The following FBXO24 variants were observed in gnomAD, a reference collection of about 807,000 sequenced individuals.
FBXO24 encodes the protein F-box only protein 24.
A neutral mutation model predicts 63.5 loss-of-function variants in FBXO24; 30 were observed. That is an observed-to-expected ratio of 0.47 (90% CI 0.35 to 0.64). The LOEUF (loss-of-function observed/expected upper bound fraction) is 0.64, where lower values mean the gene tolerates loss of function less well. FBXO24 is among the 30% of genes least tolerant of loss of function. The pLI is 0.00. For missense variants in FBXO24, 624 were observed against 763.4 expected (o/e 0.82, Z 2.15); for synonymous variants, 300 against 305.0 (o/e 0.98, Z 0.17).
Position 100,601,036 on chromosome 7 carries a change from T to C in FBXO24, c.*137T>C. ...GGACGGCTAACCAGGGTAAGAATGTTCAGGGGGCTGCCCAGGAGGGGCCCC... is the reference window on the plus strand; with the variant it reads ...GGACGGCTAACCAGGGTAAGAATGTCCAGGGGGCTGCCCAGGAGGGGCCCC... On this transcript the variant is annotated 3_prime_UTR_variant, in exon 10 of 10. Coordinates refer to ENST00000241071, the MANE Select transcript of FBXO24 (RefSeq NM_033506.3). 7.6e-7 allele frequency: 1 copy of C among 1,312,750 alleles called. No individual in the cohort carries two copies. Among genetic ancestry groups the C allele is most frequent in the Non-Finnish European group, 1.0e-6 (1 of 979,132 alleles). 81.3% of individuals were successfully genotyped at this position (1,312,750 alleles called of 1,614,324 possible). A position where few individuals can be genotyped will look rare whatever the true frequency, so the allele number is the denominator to read the frequency against.
Position 100,592,893 on chromosome 7 carries a change from T to G in FBXO24, c.669T>G (p.Cys223Trp). The G allele has an allele frequency of 1.2e-6, 2 of 1,614,174 alleles. No individual in the cohort carries two copies. The highest frequency in any genetic ancestry group is 1.7e-6 in the Non-Finnish European group (2 of 1,180,030). Residue 223 changes from cysteine (C) to tryptophan (W), a missense_variant, in exon 5 of 10, where the codon TGT becomes TGG. Physicochemically the swap from Cys to Trp is radical, Grantham distance 215. Coordinates refer to ENST00000241071, the MANE Select transcript of FBXO24 (RefSeq NM_033506.3). ...CCACCAGCAGCCGGGCCTGTGACTGTGTTGAGGTCTATCTGCAGTCTAGTG... is the reference window on the plus strand; with the variant it reads ...CCACCAGCAGCCGGGCCTGTGACTGGGTTGAGGTCTATCTGCAGTCTAGTG... ...VGTTSSRACDCVEVYLQSSGQ... is the reference protein window; with the variant it reads ...VGTTSSRACDWVEVYLQSSGQ...
chr7:100,595,782 C>A (rs911357932), intron 8 of FBXO24, 76 bp downstream of exon 8: 4 of 1,482,406 alleles, frequency 2.7e-6, no homozygotes, highest in Non-Finnish European at 3.6e-6. Flanking sequence ...GTCCACTTCT[C>A]CAGATTCCAC....
At chr7:100,590,438 C>T in intron 3 of FBXO24, 81 bp downstream of exon 3, 1 of 1,414,450 alleles carries the variant, frequency 7.1e-7, no homozygotes, top group South Asian at 1.4e-5. Flanking sequence ...CCCTGATGAC[C>T]CCCACACTCC....
At chr7:100,592,306 G>A in intron 4 of FBXO24, 1 of 252,530 alleles carries the variant, frequency 4.0e-6, no homozygotes, top group South Asian at 4.7e-5. Flanking sequence ...AAGGCAAAGA[G>A]GTTTAATTGA....
At chr7:100,589,812 A>C in intron 1 of FBXO24, 165 bp from the exon 2 acceptor site, 1 of 1,516,208 alleles carries the variant, frequency 6.6e-7, no homozygotes, top group Non-Finnish European at 8.9e-7. Context: ...GATTGGCCGC[A>C]GGAGATCGGG....
At chr7:100,588,149 G>C (rs115089432) in intron 1 of FBXO24, among the ~76,000 whole-genome samples, 94 of 152,288 alleles carry the variant, frequency 6.2e-4, no homozygotes, top group Non-Finnish European at 9.4e-4. Flanking sequence ...GAAGTGCTGG[G>C]ATTATAAGCG....
rs556589502 is a variant in FBXO24 at position 100,598,952 on chromosome 7, T to C, written c.1207-1079T>C. Among the ~76,000 whole-genome samples, 260 of 151,492 alleles carry C rather than the reference T, an allele frequency of 1.7e-3. 2 individuals carry two copies. The highest frequency in any genetic ancestry group is 6.0e-3 in the African/African-American group (248 of 41,236). ...TGAAATCGTGCCACTGCACTTCAGC[T>C]TGGGCAACAGAGCGAGACTCCGTCT... On this transcript the variant is annotated intron_variant, in intron 8 of 9. Coordinates refer to ENST00000241071, the MANE Select transcript of FBXO24 (RefSeq NM_033506.3).
At chr7:100,588,536 G>A (rs559450396) in intron 1 of FBXO24, among the ~76,000 whole-genome samples, 1 of 152,310 alleles carries the variant, frequency 6.6e-6, no homozygotes, top group Admixed American at 6.5e-5. Flanking sequence ...CTGTGACACT[G>A]TGTGGTGAGG....
chr7:100,592,685 G>A, intron 4 of FBXO24, 98 bp from the exon 5 acceptor site: 2 of 921,834 alleles, frequency 2.2e-6, no homozygotes, highest in Admixed American at 2.1e-5. Context: ...TCCCAACTCT[G>A]GACCCAAGCA....
chr7:100,591,733 C>T lies in FBXO24; in HGVS notation c.389C>T (p.Pro130Leu). The T allele has an allele frequency of 1.2e-6, 2 of 1,614,242 alleles. No homozygotes were observed. Among genetic ancestry groups the T allele is most frequent in the African/African-American group, 1.3e-5 (1 of 75,058 alleles). The change falls in exon 4 of 10, where the codon CCC becomes CTC. Residue 130 changes from proline (P) to leucine (L), a missense_variant. Pro to Leu is a moderately conservative substitution (Grantham distance 98). Transcript: ENST00000241071. ...RRRCLSKSVAPLLAHGYRRFL... is the reference protein window; with the variant it reads ...RRRCLSKSVALLLAHGYRRFL... ...CGATGTCTCAGCAAGAGCGTGGCCC[C>T]CTTGCTAGCCCACGGCTACCGCCGC...
chr7:100,592,795 C>G lies in FBXO24; in HGVS notation c.571C>G (p.Pro191Ala), dbSNP rs1371815321. 2 of 1,613,788 alleles carry G rather than the reference C, an allele frequency of 1.2e-6. No homozygotes were observed. The highest frequency in any genetic ancestry group is 1.7e-5 in the Admixed American group (1 of 59,982). ...TCTTTTCCCCCAGTTTGCCTCGGAC[C>G]CAAGGTGTGACACAGTTTACCGTAA... is the stretch of plus-strand genomic sequence containing the variant. The part of the protein sequence containing the change: ...CRGAKDFASD[P>A]RCDTVYRKYL... Residue 191 changes from proline to alanine, a missense_variant, in exon 5 of 10, where the codon CCA (proline) becomes GCA (alanine). Around this residue, in one of 3 missense-constraint regions of FBXO24, gnomAD observed 391 missense variants for 469.1 expected, o/e 0.83. Transcript: ENST00000241071.
intron 4 of FBXO24, chr7:100,592,286 G>C (rs925684653): frequency 6.4e-5 from 16 of 248,446 alleles, no homozygotes; most frequent in Non-Finnish European, 9.5e-5. Context: ...CCTGAGACCG[G>C]GTAATTTATA....
At chr7:100,596,042 C>CGTGAT (rs1802290151) in intron 8 of FBXO24, among the ~76,000 whole-genome samples, 1 of 152,044 alleles carries the variant, frequency 6.6e-6, no homozygotes, top group East Asian at 1.9e-4. Context: ...CTTTGGGAGG[C>CGTGAT]CGAGGTGGAC....
At position 100,597,893 on chromosome 7, in the gene FBXO24, GTTTTTTTT is replaced by G; in HGVS notation, c.1207-2131_1207-2124del. Among the ~76,000 whole-genome samples the G allele has an allele frequency of 1.5e-5, 2 of 134,862 alleles. 1 individual carries two copies. Among genetic ancestry groups the G allele is most frequent in the Middle Eastern group, 7.5e-3 (2 of 266 alleles). 88.5% of individuals were successfully genotyped at this position (134,862 alleles called of 152,430 possible). A position where few individuals can be genotyped will look rare whatever the true frequency, so the allele number is the denominator to read the frequency against. Reference sequence around the variant, plus strand: ...AGTTTTTGTTTTTTTTGTTTTTTTTGTTTTTTTTTTTTTTAGAGACAGGGTCTTGCTAT... The same window carrying G: ...AGTTTTTGTTTTTTTTGTTTTTTTTGTTTTTTAGAGACAGGGTCTTGCTAT... On this transcript the variant is annotated intron_variant, in intron 8 of 9. Transcript: ENST00000241071.
At chr7:100,593,201 AT>A in intron 5 of FBXO24, 184 bp downstream of exon 5, 3 of 561,472 alleles carry the variant, frequency 5.3e-6, no homozygotes, top group Non-Finnish European at 9.5e-6. Context: ...TTTTATATGA[AT>A]AAAAGGCCCT....
At chr7:100,598,783 C>G (rs1372827309) in intron 8 of FBXO24, among the ~76,000 whole-genome samples, 1 of 152,050 alleles carries the variant, frequency 6.6e-6, no homozygotes, top group Admixed American at 6.5e-5. Flanking sequence ...TCGGGACCAG[C>G]CTGGGCAACA....
At chr7:100,597,756 C>G (rs1168742304) in intron 8 of FBXO24, among the ~76,000 whole-genome samples, 1 of 151,930 alleles carries the variant, frequency 6.6e-6, no homozygotes, top group Non-Finnish European at 1.5e-5. Context: ...AGCTGGAGTG[C>G]AGTGACACAA....
chr7:100,595,794 G>A (rs942763890), intron 8 of FBXO24, 88 bp downstream of exon 8: 7 of 1,476,546 alleles, frequency 4.7e-6, no homozygotes, highest in East Asian at 2.3e-5. Context: ...AGATTCCACA[G>A]AATCCAATTT....
chr7:100,586,332 C>T lies in FBXO24; in HGVS notation c.-294C>T, dbSNP rs916991840. On this transcript the variant is annotated 5_prime_UTR_variant, in exon 1 of 10. Coordinates refer to ENST00000241071, the MANE Select transcript of FBXO24 (RefSeq NM_033506.3). ...AGAAGGGAGGGGAACAAGGATAGAG[C>T]GCTCGCCAACGGCCGACGCTCCAGG... is the stretch of plus-strand genomic sequence containing the variant. The T allele has an allele frequency of 6.0e-6, 4 of 668,034 alleles. No homozygotes were observed. The highest frequency in any genetic ancestry group is 1.9e-5 in the South Asian group (1 of 51,460). The allele number at this position is 668,034 out of a possible 1,614,324, so 41.4% of individuals were successfully genotyped here. A position where few individuals can be genotyped will look rare whatever the true frequency, so the allele number is the denominator to read the frequency against.
Sources: gnomAD v4.1 joint callset for allele counts (sites outside exome capture counted in the v4.1 genomes callset) on GRCh38, gnomAD v4.1.1 for gene constraint, gnomAD v4.1.1 regional missense constraint, MANE v1.5 for transcripts, NCBI Gene and HGNC (gene_info 2026-07-23, HGNC 2026-07-21) for gene names.